Variants in ZNF277 observed in about 807,000 individuals in gnomAD.
ZNF277 encodes nuclear receptor-interacting factor 4.
Under a neutral mutation model 60.7 loss-of-function variants are expected in ZNF277, and 55 were observed. The ratio of observed to expected loss-of-function variants is 0.91; its 90% confidence interval spans 0.73 to 1.13. The LOEUF (loss-of-function observed/expected upper bound fraction) is 1.13. Ranked by LOEUF, ZNF277 falls within the 50% of genes most tolerant of loss-of-function variation. The pLI, the probability that ZNF277 is intolerant of heterozygous loss-of-function variation, is 0.00. For missense variants in ZNF277, 510 were observed against 523.0 expected, an observed-to-expected ratio of 0.98 and a Z score of 0.24; for synonymous variants, 178 against 179.3, an observed-to-expected ratio of 0.99 and a Z score of 0.06.
At chr7:112,249,720 T>C (rs1236615224) in intron 1 of ZNF277, among the ~76,000 whole-genome samples, 1 of 152,214 alleles carries the variant, frequency 6.6e-6, no homozygotes, top group Non-Finnish European at 1.5e-5. Context: ...ACTTTTGTAA[T>C]TTCTTATGCC....
intron 9 of ZNF277, among the ~76,000 whole-genome samples, chr7:112,338,499 G>T (rs896310871): frequency 6.6e-6 from 1 of 152,080 alleles, no homozygotes; most frequent in Non-Finnish European, 1.5e-5. Context: ...GATTATAATA[G>T]AAAAATATTA....
chr7:112,334,973 A>T (rs547970187), intron 7 of ZNF277, among the ~76,000 whole-genome samples: 1 of 152,286 alleles, frequency 6.6e-6, no homozygotes, highest in South Asian at 2.1e-4. Context: ...CTCTAATGAC[A>T]TTATGATAGA....
intron 1 of ZNF277, among the ~76,000 whole-genome samples, chr7:112,270,661 A>G (rs1225191995): frequency 6.6e-6 from 1 of 152,086 alleles, no homozygotes. Context: ...TTTTTTTATC[A>G]GGTATCTACA....
chr7:112,247,894 G>A (rs1479068660), intron 1 of ZNF277, among the ~76,000 whole-genome samples: 1 of 151,700 alleles, frequency 6.6e-6, no homozygotes, highest in Non-Finnish European at 1.5e-5. Flanking sequence ...CTTGAACCCA[G>A]GAGGCAGAGA....
intron 2 of ZNF277, among the ~76,000 whole-genome samples, chr7:112,295,483 C>G (rs1176775613): frequency 6.6e-6 from 1 of 152,074 alleles, no homozygotes; most frequent in African/African-American, 2.4e-5. Context: ...TTAGTTTTCT[C>G]TTTACTGCAG....
chr7:112,270,165 G>A (rs1172390735), intron 1 of ZNF277, among the ~76,000 whole-genome samples: 4 of 152,076 alleles, frequency 2.6e-5, no homozygotes, highest in South Asian at 2.1e-4. Flanking sequence ...ACCCACAATC[G>A]TAGTCCAGTT....
intron 1 of ZNF277, among the ~76,000 whole-genome samples, chr7:112,255,409 A>G (rs1791286051): frequency 6.6e-6 from 1 of 152,228 alleles, no homozygotes; most frequent in Non-Finnish European, 1.5e-5. Context: ...AAAGTTAAGT[A>G]TTAAAAATTG....
intron 1 of ZNF277, among the ~76,000 whole-genome samples, chr7:112,279,646 G>A: frequency 6.6e-6 from 1 of 152,050 alleles, no homozygotes; most frequent in East Asian, 1.9e-4. Context: ...CGAAAATCTT[G>A]TGTATAACTT....
chr7:112,258,568 A>G (rs1199842204), intron 1 of ZNF277, among the ~76,000 whole-genome samples: 1 of 152,146 alleles, frequency 6.6e-6, no homozygotes, highest in African/African-American at 2.4e-5. Context: ...TTATGAAACT[A>G]AGTTCTCCAA....
chr7:112,328,079 A>G, intron 6 of ZNF277: 1 of 272,474 alleles, frequency 3.7e-6, no homozygotes, highest in Admixed American at 5.5e-5. Context: ...CGTATAGGAT[A>G]TGAAGAATAT....
intron 4 of ZNF277, among the ~76,000 whole-genome samples, chr7:112,302,108 TA>T (rs201222688): frequency 6.6e-5 from 10 of 151,896 alleles, no homozygotes; most frequent in African/African-American, 2.4e-4. Flanking sequence ...TGTATGAAGG[TA>T]TTTTTTTTAA....
chr7:112,262,739 A>C (rs1043289298), intron 1 of ZNF277, among the ~76,000 whole-genome samples: 1 of 152,148 alleles, frequency 6.6e-6, no homozygotes, highest in African/African-American at 2.4e-5. Context: ...AGCATTTAAG[A>C]AGTTATATTT....
chr7:112,225,100 A>C (rs1036528690), intron 1 of ZNF277, among the ~76,000 whole-genome samples: 2 of 152,238 alleles, frequency 1.3e-5, no homozygotes. Flanking sequence ...AAAGAATTAA[A>C]GTTGAGGTTT....
At chr7:112,288,964 A>C (rs969607020) in intron 2 of ZNF277, 1 of 149,534 alleles carries the variant, frequency 6.7e-6, no homozygotes, top group Non-Finnish European at 1.5e-5. Context: ...AAAAAAAAAA[A>C]AAAAAAAAAA....
At chr7:112,232,053 A>ATATATATATG (rs1822351389) in intron 1 of ZNF277, among the ~76,000 whole-genome samples, 2 of 8,740 alleles carry the variant, frequency 2.3e-4, no homozygotes, top group African/African-American at 3.1e-4. Flanking sequence ...ATATATATAT[A>ATATATATATG]TATATATATA....
chr7:112,300,777 C>G (rs543279856), intron 4 of ZNF277, among the ~76,000 whole-genome samples: 4 of 152,168 alleles, frequency 2.6e-5, no homozygotes, highest in Non-Finnish European at 4.4e-5. Context: ...TGCCTGTTCT[C>G]CTTTTATTAC....
At chr7:112,318,312 TC>T in intron 5 of ZNF277, 39 bp downstream of exon 5, 1 of 1,547,674 alleles carries the variant, frequency 6.5e-7, no homozygotes, top group Non-Finnish European at 8.9e-7. Context: ...CTGTTTTTAA[TC>T]TGAAAACTCA....
At chr7:112,279,038 G>A (rs957130933) in intron 1 of ZNF277, among the ~76,000 whole-genome samples, 4 of 151,896 alleles carry the variant, frequency 2.6e-5, no homozygotes, top group Non-Finnish European at 5.9e-5. Context: ...ATATCTTCAA[G>A]GTTCATTCCT....
At chr7:112,311,507 A>G (rs1258624133) in intron 4 of ZNF277, among the ~76,000 whole-genome samples, 4 of 152,162 alleles carry the variant, frequency 2.6e-5, no homozygotes, top group Non-Finnish European at 5.9e-5. Flanking sequence ...ACTTAAATGA[A>G]TAAAACCTGA....
Sources: gnomAD v4.1 joint callset for allele counts (sites outside exome capture counted in the v4.1 genomes callset) on GRCh38, gnomAD v4.1.1 for gene constraint, MANE v1.5 for transcripts, NCBI Gene and HGNC (gene_info 2026-07-23, HGNC 2026-07-21) for gene names.